COX4I1: variants seen among roughly 807,000 people sequenced by gnomAD.
COX4I1 encodes cytochrome c oxidase subunit 4I1.
Under a neutral mutation model 21.7 loss-of-function variants are expected in COX4I1, and 18 were observed. The observed-to-expected ratio is 0.83, with a 90% CI of 0.57 to 1.23. COX4I1 has a LOEUF of 1.23. COX4I1 is among the 50% of genes most tolerant of loss of function. The pLI is 0.00. For missense variants in COX4I1, 238 were observed against 220.7 expected, an observed-to-expected ratio of 1.08 and a Z score of -0.50; for synonymous variants, 100 against 81.5, an observed-to-expected ratio of 1.23 and a Z score of -1.23.
chr16:85,804,758 G>C (rs1906037506), intron 2 of COX4I1, 179 bp from the exon 3 acceptor site: 1 of 566,902 alleles, frequency 1.8e-6, no homozygotes, highest in African/African-American at 1.9e-5. Context: ...GTGATGAGAA[G>C]TGCTTCTGTT....
At chr16:85,800,386 T>C (rs1905613528) in intron 1 of COX4I1, among the ~76,000 whole-genome samples, 1 of 152,198 alleles carries the variant, frequency 6.6e-6, no homozygotes, top group South Asian at 2.1e-4. Flanking sequence ...GGTTTTCCGC[T>C]CTCCTCAGGG....
chr16:85,800,282 C>T (rs1000767125), intron 1 of COX4I1, among the ~76,000 whole-genome samples: 13 of 152,256 alleles, frequency 8.5e-5, no homozygotes, highest in Non-Finnish European at 1.9e-4. Context: ...CCCCACATCA[C>T]TCTCACCAGT....
intron 1 of COX4I1, among the ~76,000 whole-genome samples, chr16:85,800,612 G>A (rs79525318): frequency 0.033 from 4,987 of 152,214 alleles, 294 homozygotes; most frequent in African/African-American, 0.11. Context: ...CACCTTGTTA[G>A]CATTTTTTCT....
At chr16:85,805,240 C>A in intron 3 of COX4I1, 136 bp downstream of exon 3, 1 of 887,190 alleles carries the variant, frequency 1.1e-6, no homozygotes, top group Non-Finnish European at 1.7e-6. Context: ...GTTTCGGGGT[C>A]ACTGTGCCAG....
At chr16:85,804,774 T>C in intron 2 of COX4I1, 163 bp from the exon 3 acceptor site, 1 of 609,908 alleles carries the variant, frequency 1.6e-6, no homozygotes, top group Non-Finnish European at 2.8e-6. Context: ...CTGTTCCCCC[T>C]CCACCACACT....
At chr16:85,804,901 A>C (rs778714969) in intron 2 of COX4I1, 36 bp from the exon 3 acceptor site, 2 of 1,575,164 alleles carry the variant, frequency 1.3e-6, no homozygotes, top group Admixed American at 3.6e-5. Context: ...CTCAACTTAC[A>C]TGGATTTTCA....
intron 2 of COX4I1, among the ~76,000 whole-genome samples, chr16:85,801,738 G>T (rs1905781012): frequency 6.6e-6 from 1 of 152,184 alleles, no homozygotes; most frequent in African/African-American, 2.4e-5. Flanking sequence ...CTGAAGCTCA[G>T]GAATCTCTTT....
Position 85,805,739 on chromosome 16 carries a change from G to A in COX4I1, c.248G>A (p.Arg83His), listed in dbSNP as rs374125919. ...LSMDEKVELY[R>H]IKFKESFAEM... is the part of the protein sequence containing the mutation. Reference sequence around the variant, plus strand: ...CTGTCCTCTCTGCCCCCAGTGTATCGCATTAAGTTCAAGGAGAGCTTTGCT... The same window carrying A: ...CTGTCCTCTCTGCCCCCAGTGTATCACATTAAGTTCAAGGAGAGCTTTGCT... The change falls in exon 4 of 5, where the codon CGC (arginine) becomes CAC (histidine). Residue 83 changes from arginine to histidine, a missense_variant. By Grantham distance (29) the Arg-to-His change is conservative. Coordinates refer to ENST00000253452, the MANE Select transcript of COX4I1 (RefSeq NM_001861.6). 27 of 1,614,210 alleles carry A rather than the reference G, an allele frequency of 1.7e-5. 1 individual carries two copies. Among genetic ancestry groups the A allele is most frequent in the Admixed American group, 8.3e-5 (5 of 60,032 alleles).
At chr16:85,800,931 G>GT (rs1402025202) in intron 1 of COX4I1, among the ~76,000 whole-genome samples, 2 of 152,070 alleles carry the variant, frequency 1.3e-5, no homozygotes, top group Admixed American at 6.6e-5. Context: ...GCCTCTCCTT[G>GT]TTTTTTTAAA....
chr16:85,802,473 G>T (rs1340967006), intron 2 of COX4I1, among the ~76,000 whole-genome samples: 1 of 152,242 alleles, frequency 6.6e-6, no homozygotes. Context: ...AAGACGAACT[G>T]CAGGCTCTTA....
chr16:85,806,072 A>C, intron 4 of COX4I1: 1 of 665,766 alleles, frequency 1.5e-6, no homozygotes, highest in Non-Finnish European at 2.5e-6. Context: ...CTGATTATTC[A>C]TAGCCATGCT....
intron 4 of COX4I1, chr16:85,806,228 G>C (rs2599095): frequency 0.99 from 587,079 of 592,220 alleles, 291,166 homozygotes; most frequent in East Asian, 1. Context: ...ATGACTGTCT[G>C]GACTGTTGTG....
intron 3 of COX4I1, 165 bp from the exon 4 acceptor site, chr16:85,805,568 T>G: frequency 1.1e-6 from 1 of 942,992 alleles, no homozygotes; most frequent in African/African-American, 1.6e-5. Flanking sequence ...CGTGGGCACG[T>G]GTGTGCACGT....
intron 3 of COX4I1, chr16:85,805,460 A>G: frequency 5.2e-6 from 3 of 574,016 alleles, no homozygotes; most frequent in Non-Finnish European, 9.3e-6. Context: ...AATAGACCCT[A>G]ATACTGTAAT....
chr16:85,806,544 TACAA>T, intron 4 of COX4I1, 190 bp from the exon 5 acceptor site: 2 of 807,056 alleles, frequency 2.5e-6, no homozygotes, highest in East Asian at 2.6e-5. Context: ...GCTAACTTTT[TACAA>T]ACAAAGGGCT....
Position 85,805,845 on chromosome 16 carries a change from C to T in COX4I1, c.354C>T (p.Ile118=), listed in dbSNP as rs11557184. Reference sequence around the variant, plus strand: ...TCATCGGTTTCACCGCGCTCGTTATCATGTGGCAGAAGCACTATGGTGAGT... The same window carrying T: ...TCATCGGTTTCACCGCGCTCGTTATTATGTGGCAGAAGCACTATGGTGAGT... The part of the protein sequence containing the change: ...MFFIGFTALV[I]MWQKHYVYGP... The change falls in exon 4 of 5, where the codon ATC becomes ATT. Residue 118 remains isoleucine, a synonymous_variant. Transcript: ENST00000253452. 1 of 1,614,120 alleles carries T rather than the reference C, an allele frequency of 6.2e-7. No homozygotes were observed. Among genetic ancestry groups the T allele is most frequent in the East Asian group, 2.2e-5 (1 of 44,906 alleles).
chr16:85,802,121 A>G (rs1271675576), intron 2 of COX4I1, among the ~76,000 whole-genome samples: 1 of 152,154 alleles, frequency 6.6e-6, no homozygotes, highest in Non-Finnish European at 1.5e-5. Context: ...TCAAAACCCA[A>G]AAACTACCAT....
intron 1 of COX4I1, 99 bp from the exon 2 acceptor site, chr16:85,801,106 G>T (rs187001915): frequency 2.1e-6 from 2 of 949,022 alleles, no homozygotes; most frequent in Non-Finnish European, 3.3e-6. Context: ...TTGGGGAGAA[G>T]CAAACAAAAA....
Position 85,805,794 on chromosome 16 carries a change from G to T in COX4I1, c.303G>T (p.Lys101Asn). The T allele has an allele frequency of 1.2e-6, 2 of 1,614,258 alleles. No individual in the cohort carries two copies. Among genetic ancestry groups the T allele is most frequent in the Non-Finnish European group, 1.7e-6 (2 of 1,180,034 alleles). ...TGAACAGGGGCTCGAACGAGTGGAAGACGGTTGTGGGCGGTGCCATGTTCT... is the reference window on the plus strand; with the variant it reads ...TGAACAGGGGCTCGAACGAGTGGAATACGGTTGTGGGCGGTGCCATGTTCT... Reference protein sequence around the residue: ...AEMNRGSNEWKTVVGGAMFFI... With the variant: ...AEMNRGSNEWNTVVGGAMFFI... Residue 101 changes from lysine (K) to asparagine (N), a missense_variant, in exon 4 of 5, where the codon AAG becomes AAT. Transcript: ENST00000253452.
Sources: gnomAD v4.1 joint callset for allele counts (sites outside exome capture counted in the v4.1 genomes callset) on GRCh38, gnomAD v4.1.1 for gene constraint, MANE v1.5 for transcripts, NCBI Gene and HGNC (gene_info 2026-07-23, HGNC 2026-07-21) for gene names.